Variants in TYR observed in about 807,000 individuals in gnomAD.
The protein encoded by TYR is tyrosinase.
TYR carries 58 observed loss-of-function variants against 51.5 expected under a neutral mutation model. The ratio of observed to expected loss-of-function variants is 1.13; its 90% confidence interval spans 0.91 to 1.40. The LOEUF (loss-of-function observed/expected upper bound fraction) is 1.40, where lower values mean the gene tolerates loss of function less well. TYR is among the 40% of genes most tolerant of loss of function. The pLI is 0.00. For missense variants in TYR, 732 were observed against 647.4 expected (o/e 1.13, Z -1.42); for synonymous variants, 263 against 235.2 (o/e 1.12, Z -1.08).
intron 2 of TYR, among the ~76,000 whole-genome samples, chr11:89,213,519 A>G (rs528376878): frequency 6.6e-6 from 1 of 152,320 alleles, no homozygotes; most frequent in East Asian, 1.9e-4. Flanking sequence ...TGCCCAAAAT[A>G]ATTTACAGAT....
chr11:89,287,328 G>C (rs1189403134), intron 4 of TYR, among the ~76,000 whole-genome samples: 1 of 151,538 alleles, frequency 6.6e-6, no homozygotes, highest in East Asian at 1.9e-4. Context: ...TTAATACTCT[G>C]GTCACTTTTG....
chr11:89,257,337 C>T (rs1318011179), intron 3 of TYR, among the ~76,000 whole-genome samples: 2 of 151,930 alleles, frequency 1.3e-5, no homozygotes, highest in African/African-American at 4.8e-5. Context: ...ATAACAATAA[C>T]AAACTTAAGG....
rs1305098650 is a variant in TYR at position 89,193,695 on chromosome 11, A to G, written c.1036+2277A>G. 2.0e-5 allele frequency among the ~76,000 whole-genome samples: 3 copies of G among 152,310 alleles called. No homozygotes were observed. The East Asian group carries it at 5.8e-4, about 29-fold the overall frequency. ...GTCATGAGAGAAAATGTGAGAAACCATTAAGCTCAGCTGCTAAGAAGAACT... is the reference window on the plus strand; with the variant it reads ...GTCATGAGAGAAAATGTGAGAAACCGTTAAGCTCAGCTGCTAAGAAGAACT... On this transcript the variant is annotated intron_variant, in intron 2 of 4. Coordinates refer to ENST00000263321, the MANE Select transcript of TYR (RefSeq NM_000372.5).
intron 4 of TYR, among the ~76,000 whole-genome samples, chr11:89,288,985 G>C (rs529681319): frequency 1.3e-5 from 2 of 151,938 alleles, no homozygotes; most frequent in East Asian, 3.9e-4. Flanking sequence ...TCTGTAAAAA[G>C]GCAGCTGATG....
chr11:89,264,394 A>C (rs1944499684), intron 3 of TYR, among the ~76,000 whole-genome samples: 1 of 151,772 alleles, frequency 6.6e-6, no homozygotes, highest in African/African-American at 2.4e-5. Flanking sequence ...TTACCTTTTA[A>C]GTTCAGGGGT....
chr11:89,210,398 T>G (rs1443156523), intron 2 of TYR, among the ~76,000 whole-genome samples: 1 of 105,584 alleles, frequency 9.5e-6, no homozygotes, highest in East Asian at 2.4e-4. Flanking sequence ...AAGTAAGAAA[T>G]AAAGTAAGAA....
At chr11:89,204,122 C>G (rs867896495) in intron 2 of TYR, among the ~76,000 whole-genome samples, 8 of 152,154 alleles carry the variant, frequency 5.3e-5, no homozygotes, top group Middle Eastern at 3.2e-3. Flanking sequence ...TCCTTTCTTC[C>G]CTTCTGGATT....
intron 4 of TYR, among the ~76,000 whole-genome samples, chr11:89,289,781 C>G (rs940627215): frequency 6.6e-6 from 1 of 151,844 alleles, no homozygotes; most frequent in African/African-American, 2.4e-5. Flanking sequence ...CCAAATGTCA[C>G]AAGGCAGCAA....
intron 2 of TYR, among the ~76,000 whole-genome samples, chr11:89,202,961 G>A (rs781275475): frequency 9.2e-5 from 14 of 152,012 alleles, no homozygotes; most frequent in Non-Finnish European, 1.6e-4. Context: ...AAAAGGAGTG[G>A]CCTGTTTTCA....
At chr11:89,180,745 T>C (rs917841222) in intron 1 of TYR, among the ~76,000 whole-genome samples, 1 of 152,164 alleles carries the variant, frequency 6.6e-6, no homozygotes, top group African/African-American at 2.4e-5. Flanking sequence ...AATGAGCATT[T>C]GCTGCTCACC....
intron 3 of TYR, among the ~76,000 whole-genome samples, chr11:89,281,984 C>T (rs1590899880): frequency 6.6e-6 from 1 of 151,762 alleles, no homozygotes; most frequent in Non-Finnish European, 1.5e-5. Flanking sequence ...CATTAATATT[C>T]CCATGTGAGC....
chr11:89,194,094 T>C (rs900182394), intron 2 of TYR, among the ~76,000 whole-genome samples: 34 of 152,180 alleles, frequency 2.2e-4, no homozygotes, highest in Non-Finnish European at 1.5e-5. Flanking sequence ...CCTCAGTATT[T>C]TTCCTCTCCA....
chr11:89,206,680 T>C (rs1370794826), intron 2 of TYR, among the ~76,000 whole-genome samples: 1 of 152,084 alleles, frequency 6.6e-6, no homozygotes, highest in Non-Finnish European at 1.5e-5. Flanking sequence ...CAAAAAATAT[T>C]TATTTGAAGT....
intron 2 of TYR, among the ~76,000 whole-genome samples, chr11:89,198,901 C>A (rs1332686863): frequency 6.6e-6 from 1 of 152,038 alleles, no homozygotes; most frequent in African/African-American, 2.4e-5. Context: ...CTAATGCTAT[C>A]CCTTCCCCTT....
intron 3 of TYR, among the ~76,000 whole-genome samples, chr11:89,279,444 G>A (rs1169408767): frequency 6.6e-6 from 1 of 151,506 alleles, no homozygotes. Flanking sequence ...GGGCTTACTG[G>A]GTTGTTTCTC....
rs61754386 is a variant in TYR at position 89,227,897 on chromosome 11, A to T, written c.1111A>T (p.Asn371Tyr). 59 of 1,613,570 alleles carry T rather than the reference A, an allele frequency of 3.7e-5. No individual in the cohort carries two copies. The highest frequency in any genetic ancestry group is 4.8e-5 in the Non-Finnish European group (57 of 1,179,768). ...GCACAATGCCTTGCACATCTATATG[A>T]ATGGAACAATGTCCCAGGTACAGGG... The part of the protein sequence containing the change: ...SMHNALHIYM[N>Y]GTMSQVQGSA... Residue 371 changes from asparagine (N) to tyrosine (Y), a missense_variant, in exon 3 of 5, where the codon AAT becomes TAT. Coordinates refer to ENST00000263321, the MANE Select transcript of TYR (RefSeq NM_000372.5).
chr11:89,178,614 G>A lies in TYR; in HGVS notation c.661G>A (p.Glu221Lys), dbSNP rs758115945. 3.5e-5 allele frequency: 57 copies of A among 1,612,572 alleles called. No homozygotes were observed. The highest frequency in any genetic ancestry group is 4.8e-5 in the Non-Finnish European group (57 of 1,179,132). ...HRLFLLRWEQ[E>K]IQKLTGDENF... is the part of the protein sequence containing the mutation. The stretch of plus-strand genomic sequence containing the variant: ...ACTCTTCTTGTTGCGGTGGGAACAA[G>A]AAATCCAGAAGCTGACAGGAGATGA... The change falls in exon 1 of 5, where the codon GAA becomes AAA. Residue 221 changes from glutamate to lysine, a missense_variant. Coordinates refer to ENST00000263321, the MANE Select transcript of TYR (RefSeq NM_000372.5).
chr11:89,236,015 T>C (rs1337373519), intron 3 of TYR, among the ~76,000 whole-genome samples: 2 of 152,150 alleles, frequency 1.3e-5, no homozygotes, highest in African/African-American at 4.8e-5. Flanking sequence ...GCCTTGATGT[T>C]TCCCACTTGT....
chr11:89,285,405 C>T (rs191507356), intron 4 of TYR, among the ~76,000 whole-genome samples: 2 of 151,642 alleles, frequency 1.3e-5, no homozygotes, highest in Non-Finnish European at 2.9e-5. Flanking sequence ...GTTTTGGAAT[C>T]ATTTTTGGAA....
Sources: gnomAD v4.1 joint callset for allele counts (sites outside exome capture counted in the v4.1 genomes callset) on GRCh38, gnomAD v4.1.1 for gene constraint, MANE v1.5 for transcripts, NCBI Gene and HGNC (gene_info 2026-07-23, HGNC 2026-07-21) for gene names.